MPP2: variants seen among roughly 807,000 people sequenced by gnomAD.
MPP2 encodes the protein MAGUK p55 scaffold protein 2.
MPP2 carries 42 observed loss-of-function variants against 58.5 expected under a neutral mutation model. The ratio of observed to expected loss-of-function variants is 0.72; its 90% CI spans 0.56 to 0.93. MPP2 has a LOEUF of 0.93. MPP2 is among the 40% of genes least tolerant of loss of function. The pLI is 0.00. For missense variants in MPP2, 632 were observed against 760.4 expected (o/e 0.83, Z 1.99); for synonymous variants, 300 against 307.8 (o/e 0.97, Z 0.26).
At chr17:43,891,854 C>T (rs1210892727) in intron 3 of MPP2, among the ~76,000 whole-genome samples, 1 of 152,222 alleles carries the variant, frequency 6.6e-6, no homozygotes, top group Non-Finnish European at 1.5e-5. Context: ...AATCTTCTGA[C>T]TCCAAGCCCT....
rs959467464 is a variant in MPP2 at position 43,879,524 on chromosome 17, C to T, written c.1354-121G>A. On this transcript the variant is annotated intron_variant, in intron 11 of 12. Coordinates refer to ENST00000269095, the MANE Select transcript of MPP2 (RefSeq NM_005374.5). The surrounding 1 kb of genome is among the most constrained non-coding windows in gnomAD (Gnocchi z 4.1). ...TTGGGAGTGGATGAGAAAAGGGTGC[C>T]CGGGGGTCTGGGACATGAGTCCTGG... 1.5e-5 allele frequency: 20 copies of T among 1,310,176 alleles called. No individual in the cohort carries two copies. The highest frequency in any genetic ancestry group is 2.1e-5 in the Non-Finnish European group (20 of 932,768). The allele number at this position is 1,310,176 out of a possible 1,614,324, so 81.2% of individuals were successfully genotyped here.
Position 43,881,291 on chromosome 17 carries a change from T to C in MPP2, c.872A>G (p.Lys291Arg). ...GTCCCTCTTGACAAATGCTTTCCGC[T>C]TCTCCTCCAGCAGCTGGCTGGGAAT... ...GLIPSQLLEE[K>R]RKAFVKRDLE... The change falls in exon 8 of 13, where the codon AAG becomes AGG. Residue 291 changes from lysine (K) to arginine (R), a missense_variant. Coordinates refer to ENST00000269095, the MANE Select transcript of MPP2 (RefSeq NM_005374.5). 1.2e-6 allele frequency: 2 copies of C among 1,614,034 alleles called. No homozygotes were observed. The highest frequency in any genetic ancestry group is 1.7e-6 in the Non-Finnish European group (2 of 1,179,978).
intron 9 of MPP2, 23 bp downstream of exon 9, chr17:43,881,067 G>A: frequency 2.5e-6 from 4 of 1,612,974 alleles, no homozygotes; most frequent in South Asian, 2.2e-5. Context: ...GGAGGGTAAG[G>A]GAGGGGGCGC....
rs781280446 is a variant in MPP2, at chr17:43,877,843, T to C, written c.1623A>G (p.Thr541=). The C allele has an allele frequency of 6.2e-7, 1 of 1,614,038 alleles. No individual in the cohort carries two copies. Among genetic ancestry groups the C allele is most frequent in the South Asian group, 1.1e-5 (1 of 91,080 alleles). Residue 541 remains threonine, a synonymous_variant, in exon 13 of 13, where the codon ACA becomes ACG. Coordinates refer to ENST00000269095, the MANE Select transcript of MPP2 (RefSeq NM_005374.5). ...AGCTGACAGGCACCCACTGGGGCTC[T>C]GTCCGTAGCTTCTCCATGGCTGTCT... ...ELQTAMEKLR[T]EPQWVPVSWV...
Position 43,901,682 on chromosome 17 carries a change from C to T in MPP2, c.31+2748G>A, listed in dbSNP as rs555312339. ...AGCAGCCACATATCCCAGCCTTGAT[C>T]CAAAAAAGGGAGGGAATCTGGTGAC... On this transcript the variant is annotated intron_variant, in intron 2 of 12. Coordinates refer to ENST00000269095, the MANE Select transcript of MPP2 (RefSeq NM_005374.5). 1.2e-3 allele frequency: 879 copies of T among 746,270 alleles called. 2 individuals carry two copies. Among genetic ancestry groups the T allele is most frequent in the Non-Finnish European group, 1.4e-3 (840 of 611,646 alleles). The allele number at this position is 746,270 out of a possible 1,614,324, so 46.2% of individuals were successfully genotyped here.
rs192992919 is a variant in MPP2 at position 43,883,798 on chromosome 17, G to A, written c.151-443C>T. ...CAGGGTCAATGGGACTTGAACTTGC[G>A]TCTCCAGGCCCTCAACTCAGTGTTC... On this transcript the variant is annotated intron_variant, in intron 3 of 12. Transcript: ENST00000269095. Among the ~76,000 whole-genome samples, 442 of 152,190 alleles carry A rather than the reference G, an allele frequency of 2.9e-3. 5 individuals carry two copies. The highest frequency in any genetic ancestry group is 9.6e-4 in the East Asian group (5 of 5,184).
upstream of MPP2, chr17:43,907,537 G>C: frequency 1.0e-6 from 1 of 985,504 alleles, no homozygotes; most frequent in Non-Finnish European, 1.2e-6. Flanking sequence ...AGCGTTTATT[G>C]CTTGTCAATC....
Position 43,904,421 on chromosome 17 carries a change from C to G in MPP2, c.31+9G>C. 6.2e-7 allele frequency: 1 copy of G among 1,613,776 alleles called. No homozygotes were observed. The highest frequency in any genetic ancestry group is 8.5e-7 in the Non-Finnish European group (1 of 1,179,746). On this transcript the variant is annotated intron_variant, in intron 2 of 12. Coordinates refer to ENST00000269095, the MANE Select transcript of MPP2 (RefSeq NM_005374.5). ...CTGAAATAAGCTAACATCCTCACCC[C>G]CTTCTTACCAGTTTCAGAGTTGGTG...
chr17:43,897,299 T>C (rs1390148427), intron 3 of MPP2, among the ~76,000 whole-genome samples: 1 of 152,072 alleles, frequency 6.6e-6, no homozygotes, highest in Non-Finnish European at 1.5e-5. Context: ...CTGACCAACA[T>C]GGAGAAACCC....
intron 5 of MPP2, 65 bp from the exon 6 acceptor site, chr17:43,882,576 T>A: frequency 3.5e-6 from 5 of 1,444,264 alleles, no homozygotes; most frequent in Non-Finnish European, 4.7e-6. Flanking sequence ...TCAAATAGTC[T>A]CCTAATAGCT....
chr17:43,903,681 T>C (rs921131517), intron 2 of MPP2, among the ~76,000 whole-genome samples: 8 of 152,148 alleles, frequency 5.3e-5, no homozygotes, highest in African/African-American at 1.9e-4. Flanking sequence ...AGCCAGAACT[T>C]GTCTCAAAAA....
intron 2 of MPP2, chr17:43,901,188 C>T (rs576895735): frequency 1.9e-4 from 177 of 911,406 alleles, no homozygotes; most frequent in Non-Finnish European, 2.2e-4. Context: ...GCCTCAGACG[C>T]CTCCCCCTAC....
chr17:43,887,984 G>A (rs1270875898), intron 3 of MPP2, among the ~76,000 whole-genome samples: 1 of 152,160 alleles, frequency 6.6e-6, no homozygotes, highest in Non-Finnish European at 1.5e-5. Flanking sequence ...GATGAAACAA[G>A]ATTATGCATG....
Position 43,882,326 on chromosome 17 carries a change from G to A in MPP2, c.639C>T (p.Leu213=), listed in dbSNP as rs772215914. The change falls in exon 6 of 13, where the codon CTC becomes CTT. Residue 213 remains leucine (L), a synonymous_variant. Coordinates refer to ENST00000269095, the MANE Select transcript of MPP2 (RefSeq NM_005374.5). ...LLRNASGSVI[L]KILPSYQEPH... ...GCTCCTGGTAGCTGGGCAGGATCTT[G>A]AGGATGACACTGCCACTGGCATTGC... is the stretch of plus-strand genomic sequence containing the variant. The A allele has an allele frequency of 2.5e-6, 4 of 1,612,424 alleles. No homozygotes were observed. In the Admixed American group the frequency reaches 6.7e-5, roughly 27 times the overall value.
chr17:43,907,664 G>C (rs1471272565), upstream of MPP2: 1 of 985,582 alleles, frequency 1.0e-6, no homozygotes, highest in African/African-American at 1.7e-5. Flanking sequence ...GTCTTTCCCA[G>C]CAGCTGGTAC....
intron 2 of MPP2, among the ~76,000 whole-genome samples, chr17:43,903,464 C>T (rs1172638744): frequency 6.6e-6 from 1 of 151,952 alleles, no homozygotes; most frequent in African/African-American, 2.4e-5. Context: ...GAGGTCGAGG[C>T]GGGTGGAGTA....
chr17:43,889,360 CTTTT>C (rs397748293), intron 3 of MPP2, among the ~76,000 whole-genome samples: 21 of 135,156 alleles, frequency 1.6e-4, no homozygotes, highest in African/African-American at 5.5e-4. Context: ...AAATCACCAT[CTTTT>C]TTTTTTTTTT....
rs2047000454 is a variant in MPP2 at position 43,879,436 on chromosome 17, T to A, written c.1354-33A>T. On this transcript the variant is annotated intron_variant, in intron 11 of 12. Transcript: ENST00000269095. This position sits in a 1 kb window ranked among gnomAD's most constrained non-coding sequence, Gnocchi z 4.1. Reference sequence around the variant, plus strand: ...AGGAGAAGGCAAGGTAGGGAGTATATCCCCATGTCTGTCCTAGGAACCAGA... The same window carrying A: ...AGGAGAAGGCAAGGTAGGGAGTATAACCCCATGTCTGTCCTAGGAACCAGA... 1 of 1,611,090 alleles carries A rather than the reference T, an allele frequency of 6.2e-7. No homozygotes were observed. The highest frequency in any genetic ancestry group is 1.3e-5 in the African/African-American group (1 of 74,838).
At chr17:43,886,108 C>CA (rs1275219761) in intron 3 of MPP2, among the ~76,000 whole-genome samples, 57 of 140,390 alleles carry the variant, frequency 4.1e-4, no homozygotes, top group South Asian at 1.6e-3. Flanking sequence ...ACTCTGTTTC[C>CA]AAAAAAAAAA....
Sources: allele counts gnomAD v4.1 joint callset (sites outside exome capture counted in the v4.1 genomes callset), GRCh38; gene constraint gnomAD v4.1.1; non-coding constraint Gnocchi (gnomAD v3.1); transcripts MANE v1.5; gene names NCBI Gene and HGNC (gene_info 2026-07-23, HGNC 2026-07-21).